Variants in ERN1 observed in about 807,000 individuals in gnomAD.
ERN1 encodes the protein endoplasmic reticulum to nucleus signaling 1, also known as serine/threonine-protein kinase/endoribonuclease IRE1.
In ERN1, 39 loss-of-function variants were observed where a neutral mutation model predicts 113.1. That is an observed-to-expected ratio of 0.34 (90% CI 0.27 to 0.45). The LOEUF is 0.45. ERN1 is among the 20% of genes least tolerant of loss of function. The pLI, the probability that ERN1 is intolerant of heterozygous loss-of-function variation, is 1.00. For synonymous variants in ERN1, 507 were observed against 515.9 expected (o/e 0.98, Z 0.23); for missense variants, 976 against 1,274.8 (o/e 0.77, Z 3.57).
intron 1 of ERN1, among the ~76,000 whole-genome samples, chr17:64,115,079 G>A (rs1914768828): frequency 6.6e-6 from 1 of 152,034 alleles, no homozygotes; most frequent in African/African-American, 2.4e-5. Flanking sequence ...TAATCTTCCA[G>A]GCGCCCCATC....
chr17:64,104,460 A>G (rs1403087667), intron 1 of ERN1, among the ~76,000 whole-genome samples: 5 of 152,184 alleles, frequency 3.3e-5, no homozygotes, highest in Non-Finnish European at 1.5e-5. Context: ...TGCCAAAAAA[A>G]AAAATGCAGC....
At chr17:64,079,518 C>T (rs1913700745) in intron 4 of ERN1, 144 bp downstream of exon 4, 2 of 595,392 alleles carry the variant, frequency 3.4e-6, no homozygotes, top group East Asian at 2.8e-5. Flanking sequence ...TGCCCAGGCT[C>T]CTCTCTAGAC....
chr17:64,095,364 G>A (rs1284492863), intron 2 of ERN1, among the ~76,000 whole-genome samples: 1 of 152,156 alleles, frequency 6.6e-6, no homozygotes, highest in Non-Finnish European at 1.5e-5. Context: ...AAGAGGCAAA[G>A]GTTTCAGTGA....
chr17:64,054,895 T>C lies in ERN1; in HGVS notation c.1673-67A>G. On this transcript the variant is annotated intron_variant, in intron 13 of 21. Transcript: ENST00000433197. This position sits in a 1 kb window ranked among gnomAD's most constrained non-coding sequence, Gnocchi z 4.9. ...CACCTAAAGAACCTTGAGGTTAACA[T>C]AGTGACAAGCTTCCTGACCTCAGAT... is the stretch of plus-strand genomic sequence containing the variant. 5.0e-6 allele frequency: 6 copies of C among 1,197,474 alleles called. No homozygotes were observed. Among genetic ancestry groups the C allele is most frequent in the South Asian group, 2.7e-5 (2 of 73,520 alleles). 74.2% of individuals were successfully genotyped at this position (1,197,474 alleles called of 1,614,324 possible).
At position 64,042,742 on chromosome 17, in the gene ERN1, CAT is replaced by C. The variant is rs1245128392; in HGVS notation, c.*1244_*1245del. On this transcript the variant is annotated 3_prime_UTR_variant, in exon 22 of 22. Transcript: ENST00000433197. ...TCTTTGATACTGTTCAATACATTTA[CAT>C]AGTGTTGCTATAATGTTTTACTCTT... is the stretch of plus-strand genomic sequence containing the variant. 1.3e-5 allele frequency: 2 copies of C among 152,142 alleles called. No individual in the cohort carries two copies. Among genetic ancestry groups the C allele is most frequent in the African/African-American group, 4.8e-5 (2 of 41,400 alleles). 9.4% of individuals were successfully genotyped at this position (152,142 alleles called of 1,614,324 possible).
intron 1 of ERN1, among the ~76,000 whole-genome samples, chr17:64,112,319 G>T (rs990636571): frequency 4.7e-5 from 7 of 150,422 alleles, no homozygotes; most frequent in African/African-American, 1.7e-4. Context: ...AGTGAGCTGA[G>T]ATTGCACCAT....
At chr17:64,121,537 T>C (rs1158046301) in intron 1 of ERN1, among the ~76,000 whole-genome samples, 1 of 152,226 alleles carries the variant, frequency 6.6e-6, no homozygotes, top group African/African-American at 2.4e-5. Flanking sequence ...TTGCCCAGGC[T>C]GGAGTGCAAT....
At chr17:64,057,287 C>G (rs568251023) in intron 12 of ERN1, among the ~76,000 whole-genome samples, 1 of 152,170 alleles carries the variant, frequency 6.6e-6, no homozygotes, top group Non-Finnish European at 1.5e-5. Flanking sequence ...GATTTAGGAA[C>G]AAAATTGTCC....
chr17:64,050,478 G>T (rs1003922798), intron 17 of ERN1, among the ~76,000 whole-genome samples: 1 of 152,184 alleles, frequency 6.6e-6, no homozygotes, highest in Non-Finnish European at 1.5e-5. Flanking sequence ...GAGGTAAGCT[G>T]AATCTTTAGA....
Position 64,049,105 on chromosome 17 carries a change from T to G in ERN1, c.2351A>C (p.Asn784Thr). 6.2e-7 allele frequency: 1 copy of G among 1,609,998 alleles called. No individual in the cohort carries two copies. The highest frequency in any genetic ancestry group is 8.5e-7 in the Non-Finnish European group (1 of 1,176,826). ...PFGKSLQRQA[N>T]ILLGACSLDC... ...AAGGCTGCAGGCACCCAGGAGGATG[T>G]TGGCCTGCCGCTGCAGGGACTTGCC... Residue 784 changes from asparagine to threonine, a missense_variant, in exon 18 of 22, where the codon AAC becomes ACC. Coordinates refer to ENST00000433197, the MANE Select transcript of ERN1 (RefSeq NM_001433.5). This position sits in a 1 kb window ranked among gnomAD's most constrained non-coding sequence, Gnocchi z 4.7.
Position 64,054,336 on chromosome 17 carries a change from G to A in ERN1, c.1867C>T (p.Pro623Ser). The A allele has an allele frequency of 6.2e-7, 1 of 1,613,252 alleles. No individual in the cohort carries two copies. The highest frequency in any genetic ancestry group is 8.5e-7 in the Non-Finnish European group (1 of 1,179,608). Residue 623 changes from proline (P) to serine (S), a missense_variant, in exon 15 of 22, where the codon CCG (proline) becomes TCG (serine). Pro to Ser is a moderately conservative substitution (Grantham distance 74). Transcript: ENST00000433197. The surrounding 1 kb of genome is among the most constrained non-coding windows in gnomAD (Gnocchi z 4.9). ...GTGCAGAAGTAGCGGATCACGTTCG[G>A]GTGCTCATCCGATTCTCGCAACAGC... is the stretch of plus-strand genomic sequence containing the variant. ...VQLLRESDEH[P>S]NVIRYFCTEK...
chr17:64,068,192 T>A lies in ERN1; in HGVS notation c.578A>T (p.Tyr193Phe). The stretch of plus-strand genomic sequence containing the variant: ...GAAATCCAGCAGAGAGCACTTACTG[T>A]AGTCCACGTCGTCCTCAGGCAGTGA... ...AASLPEDDVD[Y>F]KMSHFVSNGD... Residue 193 changes from tyrosine (Y) to phenylalanine (F), a missense_variant and splice_region_variant, in exon 7 of 22, where the codon TAC becomes TTC. This residue lies in a region of ERN1 where 459 missense variants were observed against 581.2 expected (regional missense o/e 0.79). Transcript: ENST00000433197. The A allele has an allele frequency of 6.2e-7, 1 of 1,604,374 alleles. No homozygotes were observed. Among genetic ancestry groups the A allele is most frequent in the Non-Finnish European group, 8.5e-7 (1 of 1,174,626 alleles).
At chr17:64,068,602 C>G (rs1004587205) in intron 6 of ERN1, among the ~76,000 whole-genome samples, 1 of 152,148 alleles carries the variant, frequency 6.6e-6, no homozygotes, top group Non-Finnish European at 1.5e-5. Context: ...TATTACATAG[C>G]AATGGATTGC....
intron 5 of ERN1, among the ~76,000 whole-genome samples, chr17:64,073,335 A>ACTTTT (rs1913486001): frequency 7.4e-6 from 1 of 135,080 alleles, no homozygotes; most frequent in Admixed American, 7.4e-5. Flanking sequence ...CACCCAGCAA[A>ACTTTT]TTTTTTTTTT....
rs1019619385 is a variant in ERN1, at chr17:64,065,155, C to T, written c.921+54G>A. 5.4e-6 allele frequency: 7 copies of T among 1,294,068 alleles called. No homozygotes were observed. The African/African-American group carries it at 8.9e-5, about 17-fold the overall frequency. 80.2% of individuals were successfully genotyped at this position (1,294,068 alleles called of 1,614,324 possible). A position where few individuals can be genotyped will look rare whatever the true frequency, so the allele number is the denominator to read the frequency against. On this transcript the variant is annotated intron_variant, in intron 9 of 21. Coordinates refer to ENST00000433197, the MANE Select transcript of ERN1 (RefSeq NM_001433.5). ...TCATGCATAGCAAAGTCATTCTTTG[C>T]TAAAATGGAACAGAAGTGGTTAGGC...
chr17:64,091,576 G>A (rs561323403), intron 2 of ERN1, among the ~76,000 whole-genome samples: 20 of 152,328 alleles, frequency 1.3e-4, no homozygotes, highest in African/African-American at 4.6e-4. Flanking sequence ...GAAAAAATGG[G>A]CTCACCCTGC....
At chr17:64,121,651 G>T (rs1914958924) in intron 1 of ERN1, among the ~76,000 whole-genome samples, 1 of 152,128 alleles carries the variant, frequency 6.6e-6, no homozygotes, top group African/African-American at 2.4e-5. Flanking sequence ...CACCATGCCT[G>T]GCTAATTTTT....
intron 1 of ERN1, chr17:64,129,650 A>T: frequency 2.7e-6 from 1 of 369,942 alleles, no homozygotes; most frequent in Non-Finnish European, 4.8e-6. Context: ...GCCTTCTGGG[A>T]CCCCCAAGTG....
chr17:64,094,345 C>T (rs1019379256), intron 2 of ERN1, among the ~76,000 whole-genome samples: 1 of 152,080 alleles, frequency 6.6e-6, no homozygotes. Flanking sequence ...TGTGTCCGAG[C>T]ATTTACATGC....
Sources: gnomAD v4.1 joint callset for allele counts (sites outside exome capture counted in the v4.1 genomes callset) on GRCh38, gnomAD v4.1.1 for gene constraint, gnomAD v4.1.1 regional missense constraint, Gnocchi (gnomAD v3.1) non-coding constraint, MANE v1.5 for transcripts, NCBI Gene and HGNC (gene_info 2026-07-23, HGNC 2026-07-21) for gene names.